The following CUX2 variants were observed in gnomAD, a reference collection of about 807,000 sequenced individuals.
CUX2 encodes cut like homeobox 2.
CUX2 carries 40 observed loss-of-function variants against 144.8 expected under a neutral mutation model. That is an observed-to-expected ratio of 0.28 (90% confidence interval 0.21 to 0.36). CUX2 has a LOEUF of 0.36. CUX2 is among the 10% of genes least tolerant of loss of function. The probability of loss-of-function intolerance (pLI) is 1.00; values close to 1 mark genes in which losing one functional copy is unlikely to be tolerated. For missense variants in CUX2, 1,615 were observed against 1,994.0 expected (o/e 0.81, Z 3.62); for synonymous variants, 827 against 875.6 (o/e 0.94, Z 0.98).
At chr12:111,055,509 A>C (rs80333221) in intron 1 of CUX2, among the ~76,000 whole-genome samples, 1,811 of 152,328 alleles carry the variant, frequency 0.012, 36 homozygotes, top group African/African-American at 0.042. Context: ...TCATCTCTGG[A>C]AAAAAATTAT....
intron 1 of CUX2, among the ~76,000 whole-genome samples, chr12:111,138,709 G>C (rs1340233155): frequency 6.6e-6 from 1 of 151,884 alleles, no homozygotes; most frequent in Non-Finnish European, 1.5e-5. Context: ...ACCCATCCCC[G>C]CTGTGACTTG....
At chr12:111,047,205 T>C (rs1197919557) in intron 1 of CUX2, among the ~76,000 whole-genome samples, 2 of 152,232 alleles carry the variant, frequency 1.3e-5, no homozygotes, top group African/African-American at 2.4e-5. Flanking sequence ...AATTCTCGGC[T>C]GGGGCTGATA....
At chr12:111,140,190 C>A (rs958393867) in intron 1 of CUX2, among the ~76,000 whole-genome samples, 2 of 152,100 alleles carry the variant, frequency 1.3e-5, no homozygotes, top group African/African-American at 4.8e-5. Flanking sequence ...GCAAAAATAG[C>A]AAAAGACTTG....
At position 111,263,877 on chromosome 12, in the gene CUX2, G is replaced by T; in HGVS notation, c.301+38G>T. 1.9e-6 allele frequency: 3 copies of T among 1,552,808 alleles called. 1 individual carries two copies. In the South Asian group the frequency reaches 3.3e-5, roughly 17 times the overall value. On this transcript the variant is annotated intron_variant, in intron 4 of 21. Transcript: ENST00000261726. This position sits in a 1 kb window ranked among gnomAD's most constrained non-coding sequence, Gnocchi z 4.0. Reference sequence around the variant, plus strand: ...TGGGCTCCGTAATTGAATAGTTAACGACAATAAATAGCCATTAGGACTGTG... The same window carrying T: ...TGGGCTCCGTAATTGAATAGTTAACTACAATAAATAGCCATTAGGACTGTG...
intron 3 of CUX2, among the ~76,000 whole-genome samples, chr12:111,226,420 A>G (rs867261962): frequency 8.5e-5 from 13 of 152,326 alleles, no homozygotes; most frequent in African/African-American, 3.1e-4. Context: ...CCAAAGCATT[A>G]TTGAACCTGT....
chr12:111,318,786 C>G (rs1034201185), intron 16 of CUX2, among the ~76,000 whole-genome samples: 1 of 151,900 alleles, frequency 6.6e-6, no homozygotes, highest in African/African-American at 2.4e-5. Context: ...GCAATGCTCC[C>G]AACTCAGACC....
intron 1 of CUX2, among the ~76,000 whole-genome samples, chr12:111,194,020 A>G (rs1880069419): frequency 6.6e-6 from 1 of 152,208 alleles, no homozygotes; most frequent in Non-Finnish European, 1.5e-5. Context: ...GACAGCATTA[A>G]GGACCTCCAC....
At chr12:111,119,895 TAAA>T (rs1874533236) in intron 1 of CUX2, among the ~76,000 whole-genome samples, 1 of 152,114 alleles carries the variant, frequency 6.6e-6, no homozygotes, top group Non-Finnish European at 1.5e-5. Context: ...CTGTCTCTAC[TAAA>T]AATACAAAAA....
chr12:111,046,542 C>G (rs1363953109), intron 1 of CUX2, among the ~76,000 whole-genome samples: 1 of 152,224 alleles, frequency 6.6e-6, no homozygotes, highest in Non-Finnish European at 1.5e-5. Context: ...TGTTCCTGCT[C>G]TGGACTCACT....
intron 1 of CUX2, among the ~76,000 whole-genome samples, chr12:111,052,328 G>A (rs928901336): frequency 6.6e-6 from 1 of 152,028 alleles, no homozygotes; most frequent in Non-Finnish European, 1.5e-5. Flanking sequence ...GATGAACACC[G>A]GCCTCCCTCT....
At chr12:111,121,828 A>T (rs994011808) in intron 1 of CUX2, among the ~76,000 whole-genome samples, 5 of 152,002 alleles carry the variant, frequency 3.3e-5, no homozygotes, top group Non-Finnish European at 5.9e-5. Flanking sequence ...CAGTTCTTGA[A>T]TGCAGGGGCA....
intron 1 of CUX2, among the ~76,000 whole-genome samples, chr12:111,156,985 C>CAAAAAAAAAAAAAAAAAAAAAAAAAA (rs1200398908): frequency 5.3e-5 from 1 of 18,998 alleles, no homozygotes; most frequent in Non-Finnish European, 8.8e-5. Context: ...AAACTTCTCT[C>CAAAAAAAAAAAAAAAAAAAAAAAAAA]AAAAAAAAAA....
Position 111,263,645 on chromosome 12 carries a change from C to A in CUX2, c.223-116C>A. 1 of 873,224 alleles carries A rather than the reference C, an allele frequency of 1.1e-6. No individual in the cohort carries two copies. The highest frequency in any genetic ancestry group is 1.9e-6 in the Non-Finnish European group (1 of 530,750). 54.1% of individuals were successfully genotyped at this position (873,224 alleles called of 1,614,324 possible). Reference sequence around the variant, plus strand: ...CTCTCAAAAACAAAACAAAACAAAACAAAACAAAACAAAAAACCTGCAGAT... The same window carrying A: ...CTCTCAAAAACAAAACAAAACAAAAAAAAACAAAACAAAAAACCTGCAGAT... On this transcript the variant is annotated intron_variant, in intron 3 of 21. Transcript: ENST00000261726. This position sits in a 1 kb window ranked among gnomAD's most constrained non-coding sequence, Gnocchi z 4.0.
chr12:111,341,765 T>C lies in CUX2; in HGVS notation c.3386-15T>C. ...GGACACCACCTCTCAGCCCTCCCTC[T>C]CTTCCTGGCCCCAGCCTACCTGAAA... On this transcript the variant is annotated splice_polypyrimidine_tract_variant and intron_variant, in intron 20 of 21. Transcript: ENST00000261726. 1 of 1,565,846 alleles carries C rather than the reference T, an allele frequency of 6.4e-7. No homozygotes were observed. The highest frequency in any genetic ancestry group is 8.6e-7 in the Non-Finnish European group (1 of 1,159,400).
chr12:111,173,481 G>C (rs895753373), intron 1 of CUX2, among the ~76,000 whole-genome samples: 1 of 152,232 alleles, frequency 6.6e-6, no homozygotes, highest in Non-Finnish European at 1.5e-5. Context: ...TTCTAGGCAC[G>C]ATGAGGTGCT....
At chr12:111,146,335 C>T (rs1280229746) in intron 1 of CUX2, among the ~76,000 whole-genome samples, 3 of 152,302 alleles carry the variant, frequency 2.0e-5, no homozygotes, top group African/African-American at 2.4e-5. Context: ...TCTTGTATTC[C>T]ACCTACTTAT....
Position 111,312,182 on chromosome 12 carries a change from G to A in CUX2, c.1983G>A (p.Glu661=). Residue 661 remains glutamate, a synonymous_variant, in exon 16 of 22, where the codon GAG becomes GAA. Coordinates refer to ENST00000261726, the MANE Select transcript of CUX2 (RefSeq NM_015267.4). The surrounding 1 kb of genome is among the most constrained non-coding windows in gnomAD (Gnocchi z 4.3). The part of the protein sequence containing the change: ...IKSILEQAKK[E]IESQKGGEPK... ...GCATTCTAGAGCAGGCCAAGAAGGA[G>A]ATCGAGTCGCAGAAGGGCGGTGAGT... 6.2e-7 allele frequency: 1 copy of A among 1,609,958 alleles called. No homozygotes were observed. The highest frequency in any genetic ancestry group is 8.5e-7 in the Non-Finnish European group (1 of 1,177,302).
At chr12:111,163,354 A>G (rs1877908073) in intron 1 of CUX2, among the ~76,000 whole-genome samples, 1 of 152,226 alleles carries the variant, frequency 6.6e-6, no homozygotes, top group African/African-American at 2.4e-5. Flanking sequence ...GCAATGACTC[A>G]ACCATTGTAA....
intron 1 of CUX2, among the ~76,000 whole-genome samples, chr12:111,091,163 G>T (rs535787994): frequency 1.3e-5 from 2 of 152,208 alleles, no homozygotes; most frequent in African/African-American, 2.4e-5. Context: ...TCACCCAAAA[G>T]GTGGCTGAAG....
Sources: allele counts gnomAD v4.1 joint callset (sites outside exome capture counted in the v4.1 genomes callset), GRCh38; gene constraint gnomAD v4.1.1; non-coding constraint Gnocchi (gnomAD v3.1); transcripts MANE v1.5; gene names NCBI Gene and HGNC (gene_info 2026-07-23, HGNC 2026-07-21).